SLC24A3: variants seen among roughly 807,000 people sequenced by gnomAD.
SLC24A3 encodes the protein sodium/potassium/calcium exchanger 3.
A neutral mutation model predicts 75.8 loss-of-function variants in SLC24A3; 28 were observed. The ratio of observed to expected loss-of-function variants is 0.37; its 90% CI spans 0.27 to 0.51. SLC24A3 has a LOEUF of 0.51. Ranked by LOEUF, SLC24A3 falls within the 20% of genes least tolerant of loss-of-function variation. The pLI, the probability that SLC24A3 is intolerant of heterozygous loss-of-function variation, is 0.94. For synonymous variants in SLC24A3, 372 were observed against 334.1 expected, an observed-to-expected ratio of 1.11 and a Z score of -1.24; for missense variants, 663 against 847.8, an observed-to-expected ratio of 0.78 and a Z score of 2.71.
chr20:19,243,061 C>A (rs1982377749), intron 1 of SLC24A3, among the ~76,000 whole-genome samples: 3 of 151,918 alleles, frequency 2.0e-5, no homozygotes, highest in African/African-American at 7.3e-5. Context: ...ATAAAAGTTT[C>A]TTTTTTATTT....
At chr20:19,326,447 T>C (rs1984864604) in intron 2 of SLC24A3, among the ~76,000 whole-genome samples, 1 of 152,074 alleles carries the variant, frequency 6.6e-6, no homozygotes, top group Non-Finnish European at 1.5e-5. Context: ...CAAATCCACC[T>C]GGAAGCCAGA....
At chr20:19,514,538 G>A (rs1007493399) in intron 2 of SLC24A3, among the ~76,000 whole-genome samples, 2 of 152,218 alleles carry the variant, frequency 1.3e-5, no homozygotes, top group Non-Finnish European at 2.9e-5. Flanking sequence ...CTGTGGGTGG[G>A]GGTGGTGTGT....
intron 2 of SLC24A3, among the ~76,000 whole-genome samples, chr20:19,312,445 C>T (rs8125076): frequency 0.075 from 11,334 of 152,090 alleles, 1,354 homozygotes; most frequent in African/African-American, 0.26. Flanking sequence ...CTAGAGAACC[C>T]AAACAGTACT....
At chr20:19,512,164 C>T (rs939011532) in intron 2 of SLC24A3, among the ~76,000 whole-genome samples, 5 of 152,200 alleles carry the variant, frequency 3.3e-5, no homozygotes, top group Non-Finnish European at 7.4e-5. Context: ...GATAGAGGAG[C>T]TCCCAGCTGG....
At chr20:19,483,614 G>C (rs909660457) in intron 2 of SLC24A3, among the ~76,000 whole-genome samples, 4 of 152,156 alleles carry the variant, frequency 2.6e-5, no homozygotes, top group Non-Finnish European at 4.4e-5. Flanking sequence ...CCTTTGCTGT[G>C]GATACCAGAG....
chr20:19,460,483 A>G (rs1006046886), intron 2 of SLC24A3, among the ~76,000 whole-genome samples: 16 of 152,116 alleles, frequency 1.1e-4, no homozygotes, highest in East Asian at 5.8e-4. Context: ...AGATAGTGCA[A>G]TGTTTTAAAA....
At chr20:19,275,944 A>AT (rs1290178861) in intron 1 of SLC24A3, among the ~76,000 whole-genome samples, 1 of 152,114 alleles carries the variant, frequency 6.6e-6, no homozygotes, top group African/African-American at 2.4e-5. Flanking sequence ...TTAGGCCAAC[A>AT]TGCAACTTCC....
At chr20:19,351,632 G>A (rs1331095360) in intron 2 of SLC24A3, among the ~76,000 whole-genome samples, 1 of 152,092 alleles carries the variant, frequency 6.6e-6, no homozygotes, top group Non-Finnish European at 1.5e-5. Flanking sequence ...CCTTTCCTGG[G>A]GTATCTGTCA....
At chr20:19,698,532 C>T (rs754027176) in intron 14 of SLC24A3, 36 bp from the exon 15 acceptor site, 1 of 1,528,096 alleles carries the variant, frequency 6.5e-7, no homozygotes, top group South Asian at 1.2e-5. Flanking sequence ...CCCCTGGGTT[C>T]CCTTCCCTCT....
chr20:19,647,624 G>A (rs1025109924), intron 6 of SLC24A3, among the ~76,000 whole-genome samples: 2 of 152,156 alleles, frequency 1.3e-5, no homozygotes, highest in Non-Finnish European at 2.9e-5. Flanking sequence ...GGAACACTCT[G>A]AACTACCAAA....
At chr20:19,515,696 C>T (rs1005819773) in intron 3 of SLC24A3, 132 bp downstream of exon 3, 69 of 678,002 alleles carry the variant, frequency 1.0e-4, no homozygotes, top group Non-Finnish European at 1.3e-4. Context: ...GGGGGTCCTT[C>T]GAGCTCTGTA....
chr20:19,385,643 C>CT (rs112188859), intron 2 of SLC24A3, among the ~76,000 whole-genome samples: 18,959 of 141,112 alleles, frequency 0.13, 1,753 homozygotes, highest in East Asian at 0.32. Flanking sequence ...TTAAAATTGG[C>CT]TTTTTTTTTT....
rs115472586 is a variant in SLC24A3 at position 19,685,033 on chromosome 20, C to T, written c.1063-67C>T. 999 of 1,520,442 alleles carry T rather than the reference C, an allele frequency of 6.6e-4. 2 individuals are homozygous for T. The African/African-American group carries it at 0.012, about 19-fold the overall frequency. 94.2% of individuals were successfully genotyped at this position (1,520,442 alleles called of 1,614,324 possible). ...CTGCCAGGGAAAGATCCCAACAGCT[C>T]ATGTTCTGAGTGTAAGGTATTTGCA... On this transcript the variant is annotated intron_variant, in intron 11 of 16. Transcript: ENST00000328041.
intron 6 of SLC24A3, among the ~76,000 whole-genome samples, chr20:19,598,905 TAC>T (rs113937880): frequency 0.35 from 52,350 of 149,384 alleles, 9,228 homozygotes; most frequent in Middle Eastern, 0.4. Flanking sequence ...TATATGTATA[TAC>T]ACACACACAC....
At chr20:19,359,346 A>G (rs925839243) in intron 2 of SLC24A3, among the ~76,000 whole-genome samples, 2 of 152,184 alleles carry the variant, frequency 1.3e-5, no homozygotes, top group African/African-American at 4.8e-5. Flanking sequence ...CAGAGATTCC[A>G]GGAAATATTT....
chr20:19,281,270 C>T (rs1196125282), intron 2 of SLC24A3, among the ~76,000 whole-genome samples, 183 bp downstream of exon 2: 1 of 152,196 alleles, frequency 6.6e-6, no homozygotes, highest in African/African-American at 2.4e-5. Flanking sequence ...GTTTTGACCT[C>T]TGTGTTCGTT....
At chr20:19,713,903 C>G (rs1457151383) in intron 15 of SLC24A3, among the ~76,000 whole-genome samples, 1 of 152,170 alleles carries the variant, frequency 6.6e-6, no homozygotes, top group Non-Finnish European at 1.5e-5. Context: ...AGAAGAGATT[C>G]AAAACCCAGG....
chr20:19,220,011 G>T (rs1377771871), intron 1 of SLC24A3, among the ~76,000 whole-genome samples: 1 of 152,178 alleles, frequency 6.6e-6, no homozygotes, highest in Non-Finnish European at 1.5e-5. Context: ...GGATTAGAAT[G>T]GCTATATGTA....
chr20:19,347,290 G>C (rs2876535), intron 2 of SLC24A3, among the ~76,000 whole-genome samples: 1 of 151,924 alleles, frequency 6.6e-6, no homozygotes, highest in Non-Finnish European at 1.5e-5. Flanking sequence ...TTATGATACT[G>C]TAATGATGGA....
Sources: allele counts gnomAD v4.1 joint callset (sites outside exome capture counted in the v4.1 genomes callset), GRCh38; gene constraint gnomAD v4.1.1; transcripts MANE v1.5; gene names NCBI Gene and HGNC (gene_info 2026-07-23, HGNC 2026-07-21).